The following EMC2 variants were observed in gnomAD, a reference collection of about 807,000 sequenced individuals.
The protein encoded by EMC2 is TPR repeat protein 35.
A neutral mutation model predicts 51.6 loss-of-function variants in EMC2; 37 were observed. The observed-to-expected ratio is 0.72, with a 90% CI of 0.55 to 0.94. The LOEUF is 0.94. EMC2 is among the 40% of genes least tolerant of loss of function. The probability of loss-of-function intolerance (pLI) is 0.00; values close to 1 mark genes in which losing one functional copy is unlikely to be tolerated. For missense variants in EMC2, 359 were observed against 350.9 expected (o/e 1.02, Z -0.18); for synonymous variants, 131 against 112.4 (o/e 1.17, Z -1.04).
At chr8:108,448,462 G>T (rs1818933417) in intron 1 of EMC2, among the ~76,000 whole-genome samples, 1 of 152,120 alleles carries the variant, frequency 6.6e-6, no homozygotes, top group Admixed American at 6.6e-5. Flanking sequence ...TGAATCATGG[G>T]GACAGGTCTT....
chr8:108,447,217 C>G (rs1417913175), intron 1 of EMC2, among the ~76,000 whole-genome samples: 2 of 151,246 alleles, frequency 1.3e-5, no homozygotes, highest in African/African-American at 2.4e-5. Flanking sequence ...ACTGCCCCCC[C>G]ACCCCCAACA....
rs3737502 is a variant in EMC2 at position 108,443,634 on chromosome 8, C to T, written c.-25C>T. 450,445 of 1,597,950 alleles carry T rather than the reference C, an allele frequency of 0.28. 66,055 individuals carry two copies. Among genetic ancestry groups the T allele is most frequent in the East Asian group, 0.4 (17,523 of 44,154 alleles). ...TGACTGCGTCTCCCCGCCCTCTCAC[C>T]CCGCTGCCTCTAGGTTCTGGGAAGA... On this transcript the variant is annotated 5_prime_UTR_variant, in exon 1 of 11. Transcript: ENST00000220853.
At chr8:108,446,329 T>G in intron 1 of EMC2, 1 of 416,376 alleles carries the variant, frequency 2.4e-6, no homozygotes, top group Non-Finnish European at 4.8e-6. Flanking sequence ...TCTTAAGAAT[T>G]TACATTGTAA....
intron 5 of EMC2, among the ~76,000 whole-genome samples, chr8:108,459,719 A>AGTGTGT (rs1322558485): frequency 2.3e-5 from 3 of 128,982 alleles, no homozygotes; most frequent in African/African-American, 1.2e-4. Flanking sequence ...AGAGAGAGAG[A>AGTGTGT]GAGTGTGTGT....
At chr8:108,448,375 C>T (rs952523847) in intron 1 of EMC2, among the ~76,000 whole-genome samples, 1 of 152,164 alleles carries the variant, frequency 6.6e-6, no homozygotes, top group African/African-American at 2.4e-5. Context: ...TGGTTTGGCT[C>T]TGTGTCCCCA....
chr8:108,458,757 C>T (rs1819230706), intron 5 of EMC2, among the ~76,000 whole-genome samples: 1 of 152,184 alleles, frequency 6.6e-6, no homozygotes, highest in Non-Finnish European at 1.5e-5. Context: ...CTGACATGCC[C>T]TGGAGACATT....
intron 5 of EMC2, among the ~76,000 whole-genome samples, chr8:108,459,721 AGTGT>A (rs1554617756): frequency 8.8e-5 from 12 of 136,958 alleles, no homozygotes; most frequent in South Asian, 2.3e-4. Flanking sequence ...AGAGAGAGAG[AGTGT>A]GTGTGTGTGT....
chr8:108,455,872 G>A lies in EMC2; in HGVS notation c.306-1G>A. The A allele has an allele frequency of 9.0e-7, 1 of 1,112,702 alleles. No individual in the cohort carries two copies. The highest frequency in any genetic ancestry group is 1.3e-6 in the Non-Finnish European group (1 of 774,966). 68.9% of individuals were successfully genotyped at this position (1,112,702 alleles called of 1,614,324 possible). A position where few individuals can be genotyped will look rare whatever the true frequency, so the allele number is the denominator to read the frequency against. Reference sequence around the variant, plus strand: ...AGATGTTTCTTTTTCTTTTTAAATAGATATGATGATGCTATACAGCTATAT... The same window carrying A: ...AGATGTTTCTTTTTCTTTTTAAATAAATATGATGATGCTATACAGCTATAT... On this transcript the variant is annotated splice_acceptor_variant, in intron 4 of 10. Transcript: ENST00000220853. LOFTEE classifies it high-confidence loss of function.
intron 5 of EMC2, among the ~76,000 whole-genome samples, chr8:108,456,565 C>G (rs978346784): frequency 5.3e-5 from 8 of 151,752 alleles, no homozygotes; most frequent in Non-Finnish European, 1.0e-4. Context: ...TTTGTTTTTG[C>G]TTTTTTCTGC....
intron 1 of EMC2, among the ~76,000 whole-genome samples, 160 bp downstream of exon 1, chr8:108,443,858 C>T (rs1448606729): frequency 6.6e-6 from 1 of 152,178 alleles, no homozygotes; most frequent in African/African-American, 2.4e-5. Flanking sequence ...CTGACCCTTC[C>T]CTTGGCCCGG....
At chr8:108,457,974 A>G (rs964804461) in intron 5 of EMC2, among the ~76,000 whole-genome samples, 1 of 152,214 alleles carries the variant, frequency 6.6e-6, no homozygotes, top group African/African-American at 2.4e-5. Context: ...TCCTAGATAC[A>G]GTGGGGGTAC....
chr8:108,446,855 A>C (rs1364200387), intron 1 of EMC2, among the ~76,000 whole-genome samples: 1 of 152,202 alleles, frequency 6.6e-6, no homozygotes, highest in Non-Finnish European at 1.5e-5. Context: ...AGAGTGTGGC[A>C]GGGTCAGCTA....
At chr8:108,482,229 G>GC (rs1381489247) in intron 10 of EMC2, among the ~76,000 whole-genome samples, 1 of 152,034 alleles carries the variant, frequency 6.6e-6, no homozygotes, top group Non-Finnish European at 1.5e-5. Flanking sequence ...GTTTTATTTT[G>GC]CATGTCCCTG....
intron 1 of EMC2, among the ~76,000 whole-genome samples, chr8:108,445,454 T>G (rs1192401261): frequency 6.6e-6 from 1 of 152,154 alleles, no homozygotes; most frequent in Non-Finnish European, 1.5e-5. Flanking sequence ...GTCCTTCCAC[T>G]GGGAGTGTTC....
At chr8:108,466,131 A>C (rs1051682961) in intron 5 of EMC2, among the ~76,000 whole-genome samples, 2 of 152,198 alleles carry the variant, frequency 1.3e-5, no homozygotes, top group Non-Finnish European at 1.5e-5. Context: ...GTCATAGAGA[A>C]GTTAAGTGAC....
intron 4 of EMC2, among the ~76,000 whole-genome samples, chr8:108,454,201 A>G (rs979209412): frequency 6.6e-6 from 1 of 152,118 alleles, no homozygotes; most frequent in African/African-American, 2.4e-5. Flanking sequence ...TAGACCATTT[A>G]CATTTAAAGT....
chr8:108,448,552 CTCTT>C (rs1818935189), intron 1 of EMC2, among the ~76,000 whole-genome samples: 1 of 152,180 alleles, frequency 6.6e-6, no homozygotes, highest in Admixed American at 6.5e-5. Context: ...TACACAAGCT[CTCTT>C]TCTTTGCCTG....
chr8:108,469,922 TA>T lies in EMC2; in HGVS notation c.449+12del. The T allele has an allele frequency of 6.3e-7, 1 of 1,597,686 alleles. No individual in the cohort carries two copies. Among genetic ancestry groups the T allele is most frequent in the South Asian group, 1.1e-5 (1 of 90,622 alleles). On this transcript the variant is annotated intron_variant, in intron 6 of 10. Transcript: ENST00000220853. ...TGAGTATCTGGAACAGTGAGTATTT[TA>T]CAAGAGGATTGTGTTTTGTTATTCT...
At chr8:108,454,329 T>G (rs941485412) in intron 4 of EMC2, among the ~76,000 whole-genome samples, 1 of 152,100 alleles carries the variant, frequency 6.6e-6, no homozygotes. Flanking sequence ...ATTGAGCATT[T>G]ATAGAATTTC....
Sources: gnomAD v4.1 joint callset for allele counts (sites outside exome capture counted in the v4.1 genomes callset) on GRCh38, gnomAD v4.1.1 for gene constraint, MANE v1.5 for transcripts, NCBI Gene and HGNC (gene_info 2026-07-23, HGNC 2026-07-21) for gene names.